Variants in IGF2BP3 observed in about 807,000 individuals in gnomAD.
IGF2BP3 encodes the protein insulin-like growth factor 2 mRNA-binding protein 3.
IGF2BP3 carries 9 observed loss-of-function variants against 73.8 expected under a neutral mutation model. The observed-to-expected ratio is 0.12, with a 90% CI of 0.07 to 0.21. The LOEUF is 0.21. IGF2BP3 is among the 10% of genes least tolerant of loss of function. The probability of loss-of-function intolerance (pLI) is 1.00; values close to 1 mark genes in which losing one functional copy is unlikely to be tolerated. For synonymous variants in IGF2BP3, 258 were observed against 256.7 expected, an observed-to-expected ratio of 1.01 and a Z score of -0.05; for missense variants, 542 against 714.0, an observed-to-expected ratio of 0.76 and a Z score of 2.75.
chr7:23,434,899 A>T (rs1345517799), intron 2 of IGF2BP3, among the ~76,000 whole-genome samples: 1 of 152,158 alleles, frequency 6.6e-6, no homozygotes, highest in East Asian at 1.9e-4. Context: ...ATTTGAACTC[A>T]GTCACATTAA....
At chr7:23,431,389 A>G (rs185967244) in intron 2 of IGF2BP3, 1 of 152,340 alleles carries the variant, frequency 6.6e-6, no homozygotes, top group Admixed American at 6.5e-5. Context: ...AAATTCCTAT[A>G]GATTTTATAG....
intron 9 of IGF2BP3, among the ~76,000 whole-genome samples, chr7:23,343,296 G>A (rs569606122): frequency 6.6e-6 from 1 of 152,328 alleles, no homozygotes; most frequent in Admixed American, 6.5e-5. Context: ...TTTTACAGAT[G>A]AGTAAACTGA....
intron 10 of IGF2BP3, among the ~76,000 whole-genome samples, chr7:23,322,137 A>C (rs1002000056): frequency 1.3e-5 from 2 of 152,192 alleles, no homozygotes; most frequent in East Asian, 1.9e-4. Flanking sequence ...TACGGGAGGA[A>C]ATTCAAACCA....
chr7:23,370,898 C>T (rs1785522676), intron 3 of IGF2BP3, among the ~76,000 whole-genome samples: 2 of 151,902 alleles, frequency 1.3e-5, no homozygotes, highest in African/African-American at 2.4e-5. Flanking sequence ...AGGCTGGTCT[C>T]GAACTCCTGA....
intron 5 of IGF2BP3, among the ~76,000 whole-genome samples, chr7:23,354,057 G>A (rs559138329): frequency 1.4e-4 from 22 of 152,248 alleles, no homozygotes; most frequent in African/African-American, 3.9e-4. Context: ...ACAGTGGTGC[G>A]ATCTTGGCTC....
rs1562766905 is a variant in IGF2BP3, at chr7:23,464,701, TAA to T, written c.236+3779_236+3780del. Among the ~76,000 whole-genome samples, 182 of 134,654 alleles carry T rather than the reference TAA, an allele frequency of 1.4e-3. 1 individual carries two copies. Among genetic ancestry groups the T allele is most frequent in the Middle Eastern group, 7.1e-3 (2 of 280 alleles). 88.3% of individuals were successfully genotyped at this position (134,654 alleles called of 152,430 possible). A position where few individuals can be genotyped will look rare whatever the true frequency, so the allele number is the denominator to read the frequency against. The stretch of plus-strand genomic sequence containing the variant: ...TCCATCTTAAAAAAAAATAAATAAA[TAA>T]AAATAAAAATAAAAATAAAAATAAA... On this transcript the variant is annotated intron_variant, in intron 2 of 14. Coordinates refer to ENST00000258729, the MANE Select transcript of IGF2BP3 (RefSeq NM_006547.3).
In IGF2BP3 at chr7:23,346,590, TTTTC is replaced by T. The variant is rs199897219; in HGVS notation, c.819-532_819-529del. ...GGTTAATAGATGGTGGGCTTTTCCT[TTTTC>T]TTTCTTTTTTTTTTTTTGAGACAGA... is the stretch of plus-strand genomic sequence containing the variant. On this transcript the variant is annotated intron_variant, in intron 7 of 14. Coordinates refer to ENST00000258729, the MANE Select transcript of IGF2BP3 (RefSeq NM_006547.3). Among the ~76,000 whole-genome samples, 35 of 148,584 alleles carry T rather than the reference TTTTC, an allele frequency of 2.4e-4. 2 individuals carry two copies. Among genetic ancestry groups the T allele is most frequent in the African/African-American group, 8.2e-4 (32 of 38,804 alleles).
At position 23,469,195 on chromosome 7, in the gene IGF2BP3, T is replaced by G. The variant is rs1208476133; in HGVS notation, c.176-653A>C. 6.5e-6 allele frequency: 1 copy of G among 152,928 alleles called. No individual in the cohort carries two copies. Among genetic ancestry groups the G allele is most frequent in the East Asian group, 1.9e-4 (1 of 5,186 alleles). 9.5% of individuals were successfully genotyped at this position (152,928 alleles called of 1,614,324 possible). ...AACGCAGCCTTCCCCCTGGGCGTCCTGCTCCGCCCGGCACCGTCCCTCGCC... is the reference window on the plus strand; with the variant it reads ...AACGCAGCCTTCCCCCTGGGCGTCCGGCTCCGCCCGGCACCGTCCCTCGCC... On this transcript the variant is annotated intron_variant, in intron 1 of 14. Transcript: ENST00000258729. The surrounding 1 kb of genome is among the most constrained non-coding windows in gnomAD (Gnocchi z 6.1).
Position 23,312,583 on chromosome 7 carries a change from T to C in IGF2BP3, c.1642-123A>G, listed in dbSNP as rs1783862398. On this transcript the variant is annotated intron_variant, in intron 14 of 14. Coordinates refer to ENST00000258729, the MANE Select transcript of IGF2BP3 (RefSeq NM_006547.3). ...ATGATTAAAGATACATACTAGTCAG[T>C]TTGCTAGTAGTCTCTGAAATCACCC... 16 of 903,900 alleles carry C rather than the reference T, an allele frequency of 1.8e-5. No individual in the cohort carries two copies. The South Asian group carries it at 2.1e-4, about 12-fold the overall frequency. The allele number at this position is 903,900 out of a possible 1,614,324, so 56.0% of individuals were successfully genotyped here.
Position 23,313,615 on chromosome 7 carries a change from G to A in IGF2BP3, c.1434C>T (p.Asn478=), listed in dbSNP as rs373226982. 6.2e-7 allele frequency: 1 copy of A among 1,613,834 alleles called. No individual in the cohort carries two copies. Among genetic ancestry groups the A allele is most frequent in the Non-Finnish European group, 8.5e-7 (1 of 1,179,912 alleles). ...GRIYGKIKEE[N]FVSPKEEVKL... ...TCACCTCTTCTTTAGGACTAACAAA[G>A]TTTTCTTCTTTAATTTTTCCATAAA... The change falls in exon 13 of 15, where the codon AAC becomes AAT. Residue 478 remains asparagine (N), a synonymous_variant. Coordinates refer to ENST00000258729, the MANE Select transcript of IGF2BP3 (RefSeq NM_006547.3).
At chr7:23,350,928 C>T (rs983203425) in intron 6 of IGF2BP3, among the ~76,000 whole-genome samples, 8 of 152,202 alleles carry the variant, frequency 5.3e-5, no homozygotes, top group Middle Eastern at 3.4e-3. Context: ...GTATTGAGGC[C>T]ACAAATAAAA....
chr7:23,464,745 C>T (rs1219408308), intron 2 of IGF2BP3, among the ~76,000 whole-genome samples: 1 of 150,592 alleles, frequency 6.6e-6, no homozygotes, highest in Non-Finnish European at 1.5e-5. Context: ...AAAAATCCTA[C>T]CCTGAAAGGA....
At chr7:23,370,841 C>G (rs905750474) in intron 3 of IGF2BP3, among the ~76,000 whole-genome samples, 5 of 152,014 alleles carry the variant, frequency 3.3e-5, no homozygotes, top group Admixed American at 3.3e-4. Flanking sequence ...CCACGCCCAG[C>G]TAATTTTTTG....
chr7:23,462,007 G>GA lies in IGF2BP3; in HGVS notation c.236+6474dup, dbSNP rs953731070. Among the ~76,000 whole-genome samples, 7 of 150,916 alleles carry GA rather than the reference G, an allele frequency of 4.6e-5. No individual in the cohort carries two copies. In the East Asian group the frequency reaches 5.8e-4, roughly 13 times the overall value. On this transcript the variant is annotated intron_variant, in intron 2 of 14. Transcript: ENST00000258729. Reference sequence around the variant, plus strand: ...GGGTAAGATCAGTCAACTCTGCCAGGAAAAAAAAACTCCAGCTTCTTCTGA... The same window carrying GA: ...GGGTAAGATCAGTCAACTCTGCCAGGAAAAAAAAAACTCCAGCTTCTTCTGA...
chr7:23,362,092 A>G (rs1375253726), intron 3 of IGF2BP3, among the ~76,000 whole-genome samples: 18 of 152,184 alleles, frequency 1.2e-4, no homozygotes, highest in Non-Finnish European at 2.9e-5. Flanking sequence ...TTGTAAACAA[A>G]GTCACTAGAC....
At position 23,435,292 on chromosome 7, in the gene IGF2BP3, C is replaced by CAA. The variant is rs35846648; in HGVS notation, c.237-16470_237-16469dup. On this transcript the variant is annotated intron_variant, in intron 2 of 14. Coordinates refer to ENST00000258729, the MANE Select transcript of IGF2BP3 (RefSeq NM_006547.3). ...CAGGCGACAGAGCAAGACTCTGTCT[C>CAA]AAAAAAAAAAAAAAAAAAAAAAAAA... Among the ~76,000 whole-genome samples, 52 of 47,962 alleles carry CAA rather than the reference C, an allele frequency of 1.1e-3. 2 individuals are homozygous for CAA. Among genetic ancestry groups the CAA allele is most frequent in the African/African-American group, 2.0e-3 (27 of 13,412 alleles). 31.5% of individuals were successfully genotyped at this position (47,962 alleles called of 152,430 possible).
intron 2 of IGF2BP3, among the ~76,000 whole-genome samples, chr7:23,442,921 G>A (rs1416970763): frequency 2.0e-5 from 3 of 151,898 alleles, no homozygotes; most frequent in Non-Finnish European, 4.4e-5. Flanking sequence ...ATAAAACCAG[G>A]TAACTAGAAT....
At chr7:23,317,219 T>C (rs1404642207) in intron 12 of IGF2BP3, among the ~76,000 whole-genome samples, 2 of 152,116 alleles carry the variant, frequency 1.3e-5, no homozygotes, top group African/African-American at 4.8e-5. Flanking sequence ...GAGAGATTTG[T>C]AGAGTCTATG....
intron 2 of IGF2BP3, among the ~76,000 whole-genome samples, chr7:23,424,225 G>A (rs555741956): frequency 3.6e-4 from 54 of 149,806 alleles, no homozygotes; most frequent in South Asian, 8.5e-4. Flanking sequence ...AAGGCCAGGC[G>A]CAGTGGCTCA....
Sources: allele counts gnomAD v4.1 joint callset (sites outside exome capture counted in the v4.1 genomes callset), GRCh38; gene constraint gnomAD v4.1.1; non-coding constraint Gnocchi (gnomAD v3.1); transcripts MANE v1.5; gene names NCBI Gene and HGNC (gene_info 2026-07-23, HGNC 2026-07-21).